JHY: variants seen among roughly 807,000 people sequenced by gnomAD.
The protein encoded by JHY is jhy protein homolog.
A neutral mutation model predicts 78.0 loss-of-function variants in JHY; 69 were observed. The observed-to-expected ratio is 0.88, with a 90% CI of 0.73 to 1.08. The LOEUF (loss-of-function observed/expected upper bound fraction) is 1.08, where lower values mean the gene tolerates loss of function less well. Among genes scored for constraint, JHY ranks in the 50% least tolerant of loss-of-function variants. JHY has a pLI of 0.00. For synonymous variants in JHY, 368 were observed against 342.6 expected (o/e 1.07, Z -0.82); for missense variants, 944 against 927.8 (o/e 1.02, Z -0.23).
intron 4 of JHY, among the ~76,000 whole-genome samples, chr11:122,931,112 C>A (rs1298336009): frequency 2.0e-5 from 3 of 152,064 alleles, no homozygotes; most frequent in Admixed American, 1.3e-4. Context: ...CCGAAAAGAC[C>A]CCACCTTTAA....
intron 4 of JHY, chr11:122,927,203 A>G (rs1863526103): frequency 6.6e-6 from 1 of 152,252 alleles, no homozygotes; most frequent in African/African-American, 2.4e-5. Flanking sequence ...AATCAAGGTA[A>G]AATCGCAGTG....
intron 8 of JHY, among the ~76,000 whole-genome samples, chr11:122,957,832 C>CACACACACAG (rs55773365): frequency 1.3e-5 from 2 of 151,714 alleles, no homozygotes; most frequent in South Asian, 4.2e-4. Flanking sequence ...CACACACACA[C>CACACACACAG]TTTTGTAAAG....
chr11:122,950,342 A>G (rs951839819), intron 6 of JHY, among the ~76,000 whole-genome samples: 2 of 152,198 alleles, frequency 1.3e-5, no homozygotes, highest in African/African-American at 2.4e-5. Context: ...AGGACAGCCT[A>G]TTCACTGCAG....
chr11:122,939,740 C>T (rs1863833350), intron 5 of JHY, among the ~76,000 whole-genome samples: 1 of 152,078 alleles, frequency 6.6e-6, no homozygotes, highest in African/African-American at 2.4e-5. Context: ...TAAAATTTTG[C>T]AACATTTTCT....
Position 122,961,198 on chromosome 11 carries a change from A to G in JHY, c.*1753A>G. ...CCCTCTACTGAAGTAGATAGTTTATATCTCCTAAAAATGAAACATTTGTTC... is the reference window on the plus strand; with the variant it reads ...CCCTCTACTGAAGTAGATAGTTTATGTCTCCTAAAAATGAAACATTTGTTC... On this transcript the variant is annotated 3_prime_UTR_variant, in exon 9 of 9. Coordinates refer to ENST00000227349, the MANE Select transcript of JHY (RefSeq NM_024806.4). The G allele has an allele frequency of 2.1e-6, 1 of 486,448 alleles. No individual in the cohort carries two copies. The highest frequency in any genetic ancestry group is 2.3e-5 in the South Asian group (1 of 44,378). The allele number at this position is 486,448 out of a possible 1,614,324, so 30.1% of individuals were successfully genotyped here.
intron 4 of JHY, chr11:122,927,314 G>A (rs1863528507): frequency 6.6e-6 from 1 of 152,210 alleles, no homozygotes; most frequent in Non-Finnish European, 1.5e-5. Flanking sequence ...TGCGTGTACT[G>A]TAATTAATGC....
At chr11:122,920,137 C>G in intron 3 of JHY, among the ~76,000 whole-genome samples, 1 of 152,030 alleles carries the variant, frequency 6.6e-6, no homozygotes. Flanking sequence ...AGGTGTGAAT[C>G]GACACACAGC....
chr11:122,956,806 G>A (rs1864202002), intron 7 of JHY, among the ~76,000 whole-genome samples: 1 of 152,148 alleles, frequency 6.6e-6, no homozygotes, highest in Non-Finnish European at 1.5e-5. Context: ...TAGTTTTGAA[G>A]GCCCGCACGG....
chr11:122,945,974 T>A (rs1863952049), intron 5 of JHY, among the ~76,000 whole-genome samples: 1 of 152,184 alleles, frequency 6.6e-6, no homozygotes, highest in African/African-American at 2.4e-5. Flanking sequence ...ACGATCTTAG[T>A]TCTGATTCCC....
Position 122,946,705 on chromosome 11 carries a change from C to T in JHY, c.1842C>T (p.Asn614=). The T allele has an allele frequency of 6.2e-7, 1 of 1,613,940 alleles. No individual in the cohort carries two copies. The highest frequency in any genetic ancestry group is 1.1e-5 in the South Asian group (1 of 91,054). The part of the protein sequence containing the change: ...SQLSSERSQR[N]QVKISRSNSE... ...TCAGTTCAGAGAGAAGCCAAAGAAACCAAGTGAAAATTAGCCGTAGCAATT... is the reference window on the plus strand; with the variant it reads ...TCAGTTCAGAGAGAAGCCAAAGAAATCAAGTGAAAATTAGCCGTAGCAATT... Residue 614 remains asparagine (N), a synonymous_variant, in exon 6 of 9, where the codon AAC becomes AAT. Coordinates refer to ENST00000227349, the MANE Select transcript of JHY (RefSeq NM_024806.4).
At chr11:122,924,832 G>A in intron 3 of JHY, 65 bp from the exon 4 acceptor site, 1 of 1,293,222 alleles carries the variant, frequency 7.7e-7, no homozygotes, top group Admixed American at 1.8e-5. Flanking sequence ...GCACAGACTT[G>A]AGTCCCATGG....
At chr11:122,944,064 G>A (rs1863920772) in intron 5 of JHY, among the ~76,000 whole-genome samples, 1 of 152,098 alleles carries the variant, frequency 6.6e-6, no homozygotes. Flanking sequence ...AGGCATGGTG[G>A]GGTGCACCTG....
intron 1 of JHY, among the ~76,000 whole-genome samples, chr11:122,884,082 A>G (rs1338450399): frequency 6.6e-6 from 1 of 152,232 alleles, no homozygotes; most frequent in Non-Finnish European, 1.5e-5. Flanking sequence ...GCAGAATGCA[A>G]TATGTATTTT....
chr11:122,896,394 C>G (rs1190081933), intron 2 of JHY, among the ~76,000 whole-genome samples: 1 of 147,306 alleles, frequency 6.8e-6, no homozygotes, highest in East Asian at 2.0e-4. Context: ...GAAATTACAG[C>G]TTTTTCAGAA....
At chr11:122,891,611 T>C (rs1427387188) in intron 2 of JHY, among the ~76,000 whole-genome samples, 1 of 152,028 alleles carries the variant, frequency 6.6e-6, no homozygotes, top group Admixed American at 6.6e-5. Flanking sequence ...CAGTACTTTA[T>C]ATGTGTTTAA....
intron 2 of JHY, among the ~76,000 whole-genome samples, chr11:122,899,374 C>T (rs1427348593): frequency 1.3e-5 from 2 of 152,108 alleles, no homozygotes; most frequent in Non-Finnish European, 2.9e-5. Context: ...AGCTTTCTTC[C>T]CCACCTGAAC....
intron 6 of JHY, 137 bp downstream of exon 6, chr11:122,946,929 GTTTCT>G: frequency 1.0e-6 from 1 of 993,012 alleles, no homozygotes; most frequent in Non-Finnish European, 1.4e-6. Context: ...GTCCTAAGGA[GTTTCT>G]TACTCCTGCC....
chr11:122,941,979 C>T (rs1477410826), intron 5 of JHY, among the ~76,000 whole-genome samples: 6 of 152,076 alleles, frequency 3.9e-5, no homozygotes, highest in Non-Finnish European at 8.8e-5. Context: ...TCAAGTGATT[C>T]TCCTGTCTCA....
At chr11:122,942,275 AAGGGTTGTCT>A (rs571679025) in intron 5 of JHY, among the ~76,000 whole-genome samples, 1 of 152,170 alleles carries the variant, frequency 6.6e-6, no homozygotes, top group Non-Finnish European at 1.5e-5. Flanking sequence ...AGCCTTGCAA[AAGGGTTGTCT>A]ATTTCATCTG....
Sources: gnomAD v4.1 joint callset for allele counts (sites outside exome capture counted in the v4.1 genomes callset) on GRCh38, gnomAD v4.1.1 for gene constraint, MANE v1.5 for transcripts, NCBI Gene and HGNC (gene_info 2026-07-23, HGNC 2026-07-21) for gene names.